Variants in CEP152 observed in about 807,000 individuals in gnomAD.
CEP152 encodes centrosomal protein 152, also known as centrosomal protein of 152 kDa.
CEP152 carries 132 observed loss-of-function variants against 188.9 expected under a neutral mutation model. That is an observed-to-expected ratio of 0.70 (90% CI 0.61 to 0.81). The LOEUF (loss-of-function observed/expected upper bound fraction) is 0.81, where lower values mean the gene tolerates loss of function less well. Ranked by LOEUF, CEP152 falls within the 30% of genes least tolerant of loss-of-function variation. The pLI, the probability that CEP152 is intolerant of heterozygous loss-of-function variation, is 0.00. For missense variants in CEP152, 1,914 were observed against 1,969.8 expected (o/e 0.97, Z 0.54); for synonymous variants, 649 against 666.6 (o/e 0.97, Z 0.41).
At chr15:48,804,506 C>G (rs1014178460) in intron 2 of CEP152, among the ~76,000 whole-genome samples, 1 of 152,182 alleles carries the variant, frequency 6.6e-6, no homozygotes, top group African/African-American at 2.4e-5. Flanking sequence ...CAAAAGAAGC[C>G]TTTTATCACA....
At chr15:48,763,885 CTTAT>C (rs1441599453) in intron 17 of CEP152, among the ~76,000 whole-genome samples, 2 of 152,070 alleles carry the variant, frequency 1.3e-5, no homozygotes, top group East Asian at 3.9e-4. Flanking sequence ...CATGATATGG[CTTAT>C]TTGTTAGTTA....
chr15:48,752,453 A>G lies in CEP152; in HGVS notation c.3362T>C (p.Leu1121Pro). The G allele has an allele frequency of 6.2e-7, 1 of 1,613,658 alleles. No homozygotes were observed. The change falls in exon 21 of 27, where the codon CTC becomes CCC. Residue 1121 changes from leucine (L) to proline (P), a missense_variant. Coordinates refer to ENST00000380950, the MANE Select transcript of CEP152 (RefSeq NM_001194998.2). ...PEWKKRNMAELSKDSASQGTG... is the reference protein window; with the variant it reads ...PEWKKRNMAEPSKDSASQGTG... ...GCCCTGGCTGGCAGAATCCTTAGAG[A>G]GCTCGGCCATATTTCTCTGAAATAA... is the stretch of plus-strand genomic sequence containing the variant.
At position 48,811,048 on chromosome 15, in the gene CEP152, C is replaced by CCACTAGCTCCTTCCTAGTCACAACCGAA. The variant is rs1567040968; in HGVS notation, c.-96_-95insTTCGGTTGTGACTAGGAAGGAGCTAGTG. 1.3e-5 allele frequency: 2 copies of CCACTAGCTCCTTCCTAGTCACAACCGAA among 152,338 alleles called. No homozygotes were observed. The highest frequency in any genetic ancestry group is 2.9e-5 in the Non-Finnish European group (2 of 68,112). 9.4% of individuals were successfully genotyped at this position (152,338 alleles called of 1,614,324 possible). ...CAGATCCCCTTACCCTGGCTCTAGT[C>CCACTAGCTCCTTCCTAGTCACAACCGAA]CACTAGCTCCTTCCTAGTCACAACC... On this transcript the variant is annotated 5_prime_UTR_variant, in exon 1 of 27. Coordinates refer to ENST00000380950, the MANE Select transcript of CEP152 (RefSeq NM_001194998.2).
chr15:48,769,156 TA>T, intron 13 of CEP152, 75 bp from the exon 14 acceptor site: 1 of 1,267,788 alleles, frequency 7.9e-7, no homozygotes, highest in Non-Finnish European at 1.1e-6. Flanking sequence ...TTCCATACTT[TA>T]AAAAAATTGC....
intron 10 of CEP152, among the ~76,000 whole-genome samples, chr15:48,782,813 T>C (rs1201513716): frequency 6.6e-6 from 1 of 152,022 alleles, no homozygotes; most frequent in East Asian, 1.9e-4. Context: ...ATCTGGGAAA[T>C]GATTAAGTGA....
intron 2 of CEP152, among the ~76,000 whole-genome samples, chr15:48,801,263 T>C (rs1897649961): frequency 6.6e-6 from 1 of 152,180 alleles, no homozygotes; most frequent in African/African-American, 2.4e-5. Flanking sequence ...CTCCCTCTAG[T>C]GGAAACAAAA....
chr15:48,751,652 C>T lies in CEP152; in HGVS notation c.3466+697G>A, dbSNP rs16961533. On this transcript the variant is annotated intron_variant, in intron 21 of 26. Coordinates refer to ENST00000380950, the MANE Select transcript of CEP152 (RefSeq NM_001194998.2). ...AATAAGCAGCAGAGAGAGGCTGTTG[C>T]GTTTGTGTGGGGAGGAAAGGAGTAG... 3.6e-3 allele frequency among the ~76,000 whole-genome samples: 542 copies of T among 151,994 alleles called. 3 individuals carry two copies. The highest frequency in any genetic ancestry group is 0.013 in the African/African-American group (523 of 41,434).
intron 2 of CEP152, among the ~76,000 whole-genome samples, chr15:48,802,123 A>G (rs1319581784): frequency 6.6e-6 from 1 of 152,130 alleles, no homozygotes; most frequent in Non-Finnish European, 1.5e-5. Context: ...TCTCTGTAAT[A>G]TCCAACTGTG....
chr15:48,790,661 G>C (rs1294225280), intron 8 of CEP152, among the ~76,000 whole-genome samples: 2 of 152,118 alleles, frequency 1.3e-5, no homozygotes, highest in African/African-American at 4.8e-5. Flanking sequence ...CCGCCTCCTG[G>C]GTTCAAGCGA....
At chr15:48,761,101 T>C (rs975972150) in intron 18 of CEP152, among the ~76,000 whole-genome samples, 1 of 152,224 alleles carries the variant, frequency 6.6e-6, no homozygotes, top group Non-Finnish European at 1.5e-5. Context: ...TGCTGTATTA[T>C]GCTATTTAAG....
At chr15:48,790,605 C>A (rs973693536) in intron 8 of CEP152, among the ~76,000 whole-genome samples, 1 of 152,116 alleles carries the variant, frequency 6.6e-6, no homozygotes, top group African/African-American at 2.4e-5. Flanking sequence ...TCGCTCTCGT[C>A]CCCCAGGCTG....
At chr15:48,805,781 T>C in intron 1 of CEP152, 125 bp from the exon 2 acceptor site, 1 of 1,270,558 alleles carries the variant, frequency 7.9e-7, no homozygotes, top group Non-Finnish European at 1.1e-6. Flanking sequence ...AAAATATGTA[T>C]AACTCAGTTA....
At chr15:48,804,122 G>A (rs1422002917) in intron 2 of CEP152, among the ~76,000 whole-genome samples, 1 of 152,244 alleles carries the variant, frequency 6.6e-6, no homozygotes, top group Non-Finnish European at 1.5e-5. Context: ...TGGGGACTGT[G>A]GCCAGCTGGG....
rs764982977 is a variant in CEP152, at chr15:48,796,028, ATTG to A, written c.670_672del (p.Gln224del). On this transcript the variant is annotated inframe_deletion, in exon 6 of 27. Coordinates refer to ENST00000380950, the MANE Select transcript of CEP152 (RefSeq NM_001194998.2). Reference sequence around the variant, plus strand: ...TACCTACTCTCATTAGCTCCTAAAAATTGTTGTTGCAGGCCTTCGAATGTGTCA... The same window carrying A: ...TACCTACTCTCATTAGCTCCTAAAAATTGTTGCAGGCCTTCGAATGTGTCA... 42 of 1,613,770 alleles carry A rather than the reference ATTG, an allele frequency of 2.6e-5. No homozygotes were observed. Among genetic ancestry groups the A allele is most frequent in the Non-Finnish European group, 3.2e-5 (38 of 1,179,836 alleles).
In CEP152 at chr15:48,796,289, T is replaced by TAC. The variant is rs3074978; in HGVS notation, c.541-131_541-130dup. 0.14 allele frequency: 75,073 copies of TAC among 545,770 alleles called. 2,079 individuals are homozygous for TAC. The highest frequency in any genetic ancestry group is 0.18 in the Middle Eastern group (363 of 1,974). The allele number at this position is 545,770 out of a possible 1,614,324, so 33.8% of individuals were successfully genotyped here. On this transcript the variant is annotated intron_variant, in intron 5 of 26. Transcript: ENST00000380950. ...TACAGTTCAAAGTTGTTTATATATA[T>TAC]ACACACACACACACACACACACACA... is the stretch of plus-strand genomic sequence containing the variant.
In CEP152 at chr15:48,757,460, A is replaced by G. The variant is rs558722807; in HGVS notation, c.2695-907T>C. Among the ~76,000 whole-genome samples the G allele has an allele frequency of 2.6e-5, 4 of 152,358 alleles. No homozygotes were observed. The South Asian group carries it at 8.3e-4, about 32-fold the overall frequency. On this transcript the variant is annotated intron_variant, in intron 19 of 26. Transcript: ENST00000380950. Reference sequence around the variant, plus strand: ...TTATGTAGTTATTACTTTTGGATGCATGGCCTTGCAAAAGTCACTTAATCT... The same window carrying G: ...TTATGTAGTTATTACTTTTGGATGCGTGGCCTTGCAAAAGTCACTTAATCT...
At chr15:48,769,126 T>G (rs778628371) in intron 13 of CEP152, 45 bp from the exon 14 acceptor site, 2 of 1,505,326 alleles carry the variant, frequency 1.3e-6, no homozygotes, top group Non-Finnish European at 1.8e-6. Context: ...TAAAAAATTC[T>G]AAGTTTCACT....
chr15:48,741,377 G>T (rs956412275), intron 26 of CEP152: 6 of 1,359,828 alleles, frequency 4.4e-6, no homozygotes, highest in South Asian at 3.2e-5. Context: ...CTATCATTTC[G>T]AGGGATGGAA....
intron 5 of CEP152, among the ~76,000 whole-genome samples, chr15:48,796,632 T>C (rs560053514): frequency 1.1e-3 from 170 of 152,206 alleles, no homozygotes; most frequent in African/African-American, 3.9e-3. Context: ...GGAGATAGAA[T>C]TAAGAGAAAA....
Sources: allele counts gnomAD v4.1 joint callset (sites outside exome capture counted in the v4.1 genomes callset), GRCh38; gene constraint gnomAD v4.1.1; transcripts MANE v1.5; gene names NCBI Gene and HGNC (gene_info 2026-07-23, HGNC 2026-07-21).